The following SNX29 variants were observed in gnomAD, a reference collection of about 807,000 sequenced individuals.
SNX29 encodes sorting nexin 29.
Under a neutral mutation model 102.1 loss-of-function variants are expected in SNX29, and 78 were observed. That is an observed-to-expected ratio of 0.76 (90% confidence interval 0.64 to 0.92). The LOEUF (loss-of-function observed/expected upper bound fraction) is 0.92. Ranked by LOEUF, SNX29 falls within the 40% of genes least tolerant of loss-of-function variation. The probability of loss-of-function intolerance (pLI) is 0.00; values close to 1 mark genes in which losing one functional copy is unlikely to be tolerated. For synonymous variants in SNX29, 580 were observed against 414.5 expected, an observed-to-expected ratio of 1.40 and a Z score of -4.85; for missense variants, 1,280 against 1,061.7, an observed-to-expected ratio of 1.21 and a Z score of -2.86.
chr16:12,077,383 CATGGT>C (rs1483816489), intron 10 of SNX29, among the ~76,000 whole-genome samples: 2 of 133,698 alleles, frequency 1.5e-5, no homozygotes, highest in Non-Finnish European at 3.1e-5. Context: ...TCCTCCTAGT[CATGGT>C]GTGTGTGTGT....
At chr16:12,048,852 G>A (rs188866455) in intron 7 of SNX29, among the ~76,000 whole-genome samples, 104 of 152,250 alleles carry the variant, frequency 6.8e-4, no homozygotes, top group African/African-American at 2.3e-3. Flanking sequence ...CATAGCAAAC[G>A]GAAAGTGAGA....
chr16:12,384,634 G>C (rs1203180262), intron 16 of SNX29, among the ~76,000 whole-genome samples: 2 of 152,160 alleles, frequency 1.3e-5, no homozygotes, highest in African/African-American at 4.8e-5. Context: ...TGCCAGATGT[G>C]TAGTTTGCAG....
chr16:12,540,855 A>T (rs2077302290), intron 20 of SNX29, among the ~76,000 whole-genome samples: 1 of 152,142 alleles, frequency 6.6e-6, no homozygotes, highest in Non-Finnish European at 1.5e-5. Context: ...ACCCTTTCTG[A>T]GCAGGAGTGC....
intron 15 of SNX29, among the ~76,000 whole-genome samples, chr16:12,330,294 C>G (rs566560391): frequency 6.6e-6 from 1 of 152,200 alleles, no homozygotes; most frequent in East Asian, 1.9e-4. Context: ...TGGCGAAACC[C>G]CATTTCCAGT....
At chr16:12,191,114 T>C (rs2076631165) in intron 13 of SNX29, among the ~76,000 whole-genome samples, 1 of 152,086 alleles carries the variant, frequency 6.6e-6, no homozygotes, top group Non-Finnish European at 1.5e-5. Context: ...CCTCAGACAT[T>C]AGATTTTTAT....
chr16:12,549,210 T>C lies in SNX29; in HGVS notation c.2319-19296T>C, dbSNP rs564928905. ...GGCTAGGCACCCCTCACGATGCTTG[T>C]GTCTGCCAGCCATGGTGGCTCATCC... is the stretch of plus-strand genomic sequence containing the variant. On this transcript the variant is annotated intron_variant, in intron 20 of 20. Transcript: ENST00000566228. Among the ~76,000 whole-genome samples, 4 of 152,308 alleles carry C rather than the reference T, an allele frequency of 2.6e-5. No homozygotes were observed. The East Asian group carries it at 7.7e-4, about 29-fold the overall frequency.
At chr16:12,545,234 CCTCTGTT>C (rs2077536572) in intron 20 of SNX29, among the ~76,000 whole-genome samples, 1 of 152,158 alleles carries the variant, frequency 6.6e-6, no homozygotes, top group African/African-American at 2.4e-5. Context: ...AGGGAAAGGG[CCTCTGTT>C]CTCAAGTGGC....
intron 17 of SNX29, among the ~76,000 whole-genome samples, chr16:12,398,713 ATT>A (rs34851402): frequency 3.5e-5 from 5 of 144,572 alleles, no homozygotes; most frequent in Admixed American, 6.9e-5. Flanking sequence ...ATTTAAAAAC[ATT>A]TTTTTTTTTT....
At position 12,381,474 on chromosome 16, in the gene SNX29, T is replaced by G. The variant is rs527262749; in HGVS notation, c.1900-16972T>G. 1.3e-3 allele frequency among the ~76,000 whole-genome samples: 56 copies of G among 44,230 alleles called. 2 individuals are homozygous for G. The highest frequency in any genetic ancestry group is 5.5e-3 in the African/African-American group (47 of 8,614). 29.0% of individuals were successfully genotyped at this position (44,230 alleles called of 152,430 possible). A position where few individuals can be genotyped will look rare whatever the true frequency, so the allele number is the denominator to read the frequency against. On this transcript the variant is annotated intron_variant, in intron 16 of 20. Transcript: ENST00000566228. ...TACCCACCCATCATCCATCCACCTA[T>G]CCACCTAGCCACCCACCCACTCATC...
intron 15 of SNX29, among the ~76,000 whole-genome samples, chr16:12,286,527 A>G (rs1035509098): frequency 6.6e-6 from 1 of 151,572 alleles, no homozygotes; most frequent in African/African-American, 2.4e-5. Context: ...TTGTATTTTT[A>G]GTAGAGATGG....
Position 12,540,049 on chromosome 16 carries a change from T to G in SNX29, c.2318+15208T>G, listed in dbSNP as rs149540706. ...TAATTTTGATGAAATTTACTTTTTGTGTCCCAGATCATGCTTTTGGTGTCA... is the reference window on the plus strand; with the variant it reads ...TAATTTTGATGAAATTTACTTTTTGGGTCCCAGATCATGCTTTTGGTGTCA... On this transcript the variant is annotated intron_variant, in intron 20 of 20. Transcript: ENST00000566228. Among the ~76,000 whole-genome samples the G allele has an allele frequency of 3.1e-3, 478 of 152,354 alleles. 3 individuals carry two copies. Among genetic ancestry groups the G allele is most frequent in the African/African-American group, 0.011 (437 of 41,592 alleles).
intron 11 of SNX29, among the ~76,000 whole-genome samples, chr16:12,124,320 C>T (rs1015686731): frequency 6.6e-6 from 1 of 150,448 alleles, no homozygotes; most frequent in Admixed American, 6.6e-5. Context: ...CATACCACTG[C>T]ACTCCATCCT....
chr16:12,567,261 G>C (rs533957820), intron 20 of SNX29, among the ~76,000 whole-genome samples: 4 of 152,308 alleles, frequency 2.6e-5, no homozygotes, highest in South Asian at 4.1e-4. Flanking sequence ...GTCTTCCCTT[G>C]TAGGGTCCAG....
chr16:12,456,696 A>C (rs16959703), intron 18 of SNX29, among the ~76,000 whole-genome samples: 3,892 of 152,070 alleles, frequency 0.026, 172 homozygotes, highest in African/African-American at 0.089. Flanking sequence ...ACCCGGTAGC[A>C]TGTGTATGTA....
chr16:12,162,385 T>C (rs918601197), intron 13 of SNX29, among the ~76,000 whole-genome samples: 8 of 152,150 alleles, frequency 5.3e-5, no homozygotes, highest in African/African-American at 1.9e-4. Flanking sequence ...CCCTCCTAAG[T>C]AGATGAGGAG....
chr16:12,243,520 C>G (rs2078173734), intron 14 of SNX29, among the ~76,000 whole-genome samples: 1 of 152,226 alleles, frequency 6.6e-6, no homozygotes, highest in South Asian at 2.1e-4. Context: ...CTAGATCCTG[C>G]TGGTTATTCT....
At chr16:12,461,360 T>C (rs2086768509) in intron 18 of SNX29, among the ~76,000 whole-genome samples, 1 of 152,218 alleles carries the variant, frequency 6.6e-6, no homozygotes, top group African/African-American at 2.4e-5. Flanking sequence ...GAGGTGGTTT[T>C]GCTGCTTCTA....
chr16:12,437,013 C>G (rs557661983), intron 18 of SNX29, among the ~76,000 whole-genome samples: 2 of 152,224 alleles, frequency 1.3e-5, no homozygotes, highest in African/African-American at 4.8e-5. Context: ...CAGTCCAGGC[C>G]TGACATCTCT....
intron 13 of SNX29, among the ~76,000 whole-genome samples, chr16:12,131,580 A>G (rs1415302605): frequency 6.6e-6 from 1 of 152,226 alleles, no homozygotes; most frequent in Non-Finnish European, 1.5e-5. Context: ...GATTGGAATG[A>G]TGAATTTAAT....
Sources: allele counts gnomAD v4.1 joint callset (sites outside exome capture counted in the v4.1 genomes callset), GRCh38; gene constraint gnomAD v4.1.1; transcripts MANE v1.5; gene names NCBI Gene and HGNC (gene_info 2026-07-23, HGNC 2026-07-21).